The following SPATA31C2 variants were observed in gnomAD, a reference collection of about 807,000 sequenced individuals.
The protein encoded by SPATA31C2 is SPATA31 subfamily C member 2.
Under a neutral mutation model 11.4 loss-of-function variants are expected in SPATA31C2, and 5 were observed. The ratio of observed to expected loss-of-function variants is 0.44; its 90% CI spans 0.23 to 0.92. SPATA31C2 has a LOEUF of 0.92. Among genes scored for constraint, SPATA31C2 ranks in the 40% least tolerant of loss-of-function variants. The pLI, the probability that SPATA31C2 is intolerant of heterozygous loss-of-function variation, is 0.24. For synonymous variants in SPATA31C2, 515 were observed against 538.7 expected, an observed-to-expected ratio of 0.96 and a Z score of 0.61; for missense variants, 1,353 against 1,368.6, an observed-to-expected ratio of 0.99 and a Z score of 0.18.
In SPATA31C2 at chr9:88,132,586, C is replaced by T. The variant is rs1007787135; in HGVS notation, c.451G>A (p.Ala151Thr). The T allele has an allele frequency of 1.4e-5, 22 of 1,610,222 alleles. No individual in the cohort carries two copies. Among genetic ancestry groups the T allele is most frequent in the African/African-American group, 1.3e-4 (10 of 74,582 alleles). Residue 151 changes from alanine to threonine, a missense_variant, in exon 4 of 4, where the codon GCT becomes ACT. Coordinates refer to ENST00000324915, the MANE Select transcript of SPATA31C2 (RefSeq NM_001350978.3). Reference sequence around the variant, plus strand: ...GCTAACGGGGAGACAATGGGAGCAGCGTCTTCCGTAGGCTCATGAGAGGAC... The same window carrying T: ...GCTAACGGGGAGACAATGGGAGCAGTGTCTTCCGTAGGCTCATGAGAGGAC... The part of the protein sequence containing the change: ...SRSSHEPTED[A>T]APIVSPLASP...
In SPATA31C2 at chr9:88,129,810, G is replaced by A. The variant is rs767969974; in HGVS notation, c.3227C>T (p.Ser1076Leu). The change falls in exon 4 of 4, where the codon TCG becomes TTG. Residue 1076 changes from serine to leucine, a missense_variant. Transcript: ENST00000324915. ...NMSLCHARHA[S>L]KVNQQRQQFQ... ...CTGCTGTCTTTGCTGATTTACCTTCGAGGCATGGCGCGCATGGCAAAGTGA... is the reference window on the plus strand; with the variant it reads ...CTGCTGTCTTTGCTGATTTACCTTCAAGGCATGGCGCGCATGGCAAAGTGA... The A allele has an allele frequency of 1.3e-5, 21 of 1,604,314 alleles. No homozygotes were observed. The highest frequency in any genetic ancestry group is 1.7e-5 in the Non-Finnish European group (20 of 1,173,764).
rs1307943628 is a variant in SPATA31C2, at chr9:88,129,594, C to T, written c.*38G>A. 1.2e-6 allele frequency: 2 copies of T among 1,602,308 alleles called. No homozygotes were observed. Among genetic ancestry groups the T allele is most frequent in the East Asian group, 2.3e-5 (1 of 44,416 alleles). On this transcript the variant is annotated 3_prime_UTR_variant, in exon 4 of 4. Transcript: ENST00000324915. ...GAGCAAGAGTTGGGGATGTCGCAGGCCCCATTGCTCATTGTTGCACCGGAC... is the reference window on the plus strand; with the variant it reads ...GAGCAAGAGTTGGGGATGTCGCAGGTCCCATTGCTCATTGTTGCACCGGAC...
At position 88,130,442 on chromosome 9, in the gene SPATA31C2, C is replaced by T. The variant is rs370368843; in HGVS notation, c.2595G>A (p.Thr865=). The change falls in exon 4 of 4, where the codon ACG becomes ACA. Residue 865 remains threonine, a synonymous_variant. Coordinates refer to ENST00000324915, the MANE Select transcript of SPATA31C2 (RefSeq NM_001350978.3). ...AVSEFEPGKA[T]KSETQPQVSA... is the part of the protein sequence containing the mutation. ...AAACTTGAGGCTGGGTCTCTGACTT[C>T]GTGGCCTTTCCAGGCTCAAATTCAC... 234 of 1,613,180 alleles carry T rather than the reference C, an allele frequency of 1.5e-4. No homozygotes were observed. The African/African-American group carries it at 2.5e-3, about 17-fold the overall frequency.
Position 88,131,889 on chromosome 9 carries a change from T to G in SPATA31C2, c.1148A>C (p.Gln383Pro). 1.2e-6 allele frequency: 2 copies of G among 1,610,500 alleles called. No individual in the cohort carries two copies. Among genetic ancestry groups the G allele is most frequent in the Non-Finnish European group, 1.7e-6 (2 of 1,178,772 alleles). ...TAGGGAGAGAGCTTGCACTTTATTCTGCGACGCAGGGCAAGCTACTCCAGT... is the reference window on the plus strand; with the variant it reads ...TAGGGAGAGAGCTTGCACTTTATTCGGCGACGCAGGGCAAGCTACTCCAGT... ...KNTGVACPAS[Q>P]NKVQALSLPE... The change falls in exon 4 of 4, where the codon CAG becomes CCG. Residue 383 changes from glutamine to proline, a missense_variant. Transcript: ENST00000324915.
chr9:88,130,647 G>A lies in SPATA31C2; in HGVS notation c.2390C>T (p.Thr797Ile). The A allele has an allele frequency of 6.2e-7, 1 of 1,613,816 alleles. No homozygotes were observed. ...TGTGGGTTGTGGCACTGCCTCCCTG[G>A]TCTCTCCAGCCCTTGAAGATTGGGC... ...LGAQSSRAGETREAVPQPTVP... is the reference protein window; with the variant it reads ...LGAQSSRAGEIREAVPQPTVP... Residue 797 changes from threonine to isoleucine, a missense_variant, in exon 4 of 4, where the codon ACC becomes ATC. Coordinates refer to ENST00000324915, the MANE Select transcript of SPATA31C2 (RefSeq NM_001350978.3).
rs1825621867 is a variant in SPATA31C2 at position 88,132,664 on chromosome 9, C to G, written c.373G>C (p.Gly125Arg). ...LEKGDFGQLS[G>R]PDPPGEVGKR... Reference sequence around the variant, plus strand: ...CCCACCTCACCTGGCGGGTCTGGACCAGAGAGCTGACCAAAGTCACCTTTT... The same window carrying G: ...CCCACCTCACCTGGCGGGTCTGGACGAGAGAGCTGACCAAAGTCACCTTTT... The change falls in exon 4 of 4, where the codon GGT becomes CGT. Residue 125 changes from glycine (G) to arginine (R), a missense_variant. Physicochemically the swap from Gly to Arg is moderately radical, Grantham distance 125 (BLOSUM62 -2). This residue lies in a region of SPATA31C2 where 1,075 missense variants were observed against 992.8 expected (regional missense o/e 1.08). Coordinates refer to ENST00000324915, the MANE Select transcript of SPATA31C2 (RefSeq NM_001350978.3). The G allele has an allele frequency of 6.2e-7, 1 of 1,608,028 alleles. No homozygotes were observed. The highest frequency in any genetic ancestry group is 1.7e-5 in the Admixed American group (1 of 59,556).
rs564879465 is a variant in SPATA31C2 at position 88,132,159 on chromosome 9, G to C, written c.878C>G (p.Thr293Ser). 1 of 1,610,522 alleles carries C rather than the reference G, an allele frequency of 6.2e-7. No homozygotes were observed. The highest frequency in any genetic ancestry group is 8.5e-7 in the Non-Finnish European group (1 of 1,177,608). The change falls in exon 4 of 4, where the codon ACC (threonine) becomes AGC (serine). Residue 293 changes from threonine (T) to serine (S), a missense_variant. This residue lies in a region of SPATA31C2 where 1,075 missense variants were observed against 992.8 expected (regional missense o/e 1.08). Transcript: ENST00000324915. ...VSALSWSQET[T>S]KTWCVFNSSV... is the part of the protein sequence containing the mutation. ...CGAGTTGAAGACGCACCAGGTTTTG[G>C]TAGTCTCCTGCGACCAGGAGAGGGC...
At position 88,131,887 on chromosome 9, in the gene SPATA31C2, T is replaced by G; in HGVS notation, c.1150A>C (p.Asn384His). 3 of 1,610,556 alleles carry G rather than the reference T, an allele frequency of 1.9e-6. No homozygotes were observed. The highest frequency in any genetic ancestry group is 2.5e-6 in the Non-Finnish European group (3 of 1,178,820). ...GGTAGGGAGAGAGCTTGCACTTTAT[T>G]CTGCGACGCAGGGCAAGCTACTCCA... ...NTGVACPASQNKVQALSLPET... is the reference protein window; with the variant it reads ...NTGVACPASQHKVQALSLPET... The change falls in exon 4 of 4, where the codon AAT becomes CAT. Residue 384 changes from asparagine (N) to histidine (H), a missense_variant. Coordinates refer to ENST00000324915, the MANE Select transcript of SPATA31C2 (RefSeq NM_001350978.3).
intron 1 of SPATA31C2, among the ~76,000 whole-genome samples, chr9:88,136,523 T>G (rs866334491): frequency 3.4e-5 from 5 of 146,812 alleles, no homozygotes; most frequent in Non-Finnish European, 7.5e-5. Flanking sequence ...CAGGCTCTTA[T>G]GCAGGGCAAA....
Position 88,131,831 on chromosome 9 carries a change from C to T in SPATA31C2, c.1206G>A (p.Leu402=), listed in dbSNP as rs762146670. The change falls in exon 4 of 4, where the codon TTG becomes TTA. Residue 402 remains leucine, a synonymous_variant. Coordinates refer to ENST00000324915, the MANE Select transcript of SPATA31C2 (RefSeq NM_001350978.3). ...PETQHPERPL[L]KKQLEGGLAL... ...CCAACCCACCTTCTAGTTGTTTCTT[C>T]AACAAAGGCCTTTCAGGGTGCTGAG... The T allele has an allele frequency of 6.2e-7, 1 of 1,611,452 alleles. No individual in the cohort carries two copies. Among genetic ancestry groups the T allele is most frequent in the African/African-American group, 1.3e-5 (1 of 74,950 alleles).
In SPATA31C2 at chr9:88,132,131, T is replaced by C. The variant is rs749835278; in HGVS notation, c.906A>G (p.Ser302=). 1.2e-5 allele frequency: 19 copies of C among 1,610,628 alleles called. No individual in the cohort carries two copies. The highest frequency in any genetic ancestry group is 3.3e-5 in the Admixed American group (2 of 59,822). ...GGCGGGAAAGATGATCTTGCTGGAC[T>C]GACGAGTTGAAGACGCACCAGGTTT... The part of the protein sequence containing the change: ...TTKTWCVFNS[S]VQQDHLSRQR... Residue 302 remains serine (S), a synonymous_variant, in exon 4 of 4, where the codon TCA becomes TCG. Transcript: ENST00000324915.
Position 88,133,586 on chromosome 9 carries a change from A to G in SPATA31C2, c.265+8T>C, listed in dbSNP as rs1024072160. The G allele has an allele frequency of 6.3e-7, 1 of 1,580,944 alleles. No individual in the cohort carries two copies. The highest frequency in any genetic ancestry group is 8.6e-7 in the Non-Finnish European group (1 of 1,162,346). On this transcript the variant is annotated splice_region_variant and intron_variant, in intron 2 of 3. Transcript: ENST00000324915. ...AATTAACTCTAGTGTGCCCTGGCAG[A>G]GCCTTACCTCTCAGACTGTGGTTTT...
At chr9:88,133,881 G>A (rs1825643007) in intron 1 of SPATA31C2, among the ~76,000 whole-genome samples, 1 of 152,144 alleles carries the variant, frequency 6.6e-6, no homozygotes, top group African/African-American at 2.4e-5. Flanking sequence ...GTGGCTCACG[G>A]TGCGGTGGCT....
rs563800745 is a variant in SPATA31C2 at position 88,136,498 on chromosome 9, C to T, written c.189+1760G>A. On this transcript the variant is annotated intron_variant, in intron 1 of 3. Coordinates refer to ENST00000324915, the MANE Select transcript of SPATA31C2 (RefSeq NM_001350978.3). ...GTTTGCACTTTTCTTCCAGTTTTTACCCTGTCTTTATTAACAGGCTCTTAT... is the reference window on the plus strand; with the variant it reads ...GTTTGCACTTTTCTTCCAGTTTTTATCCTGTCTTTATTAACAGGCTCTTAT... 2.1e-5 allele frequency among the ~76,000 whole-genome samples: 3 copies of T among 146,220 alleles called. No individual in the cohort carries two copies. In the South Asian group the frequency reaches 6.7e-4, roughly 33 times the overall value.
At position 88,133,580 on chromosome 9, in the gene SPATA31C2, T is replaced by G. The variant is rs1253831009; in HGVS notation, c.265+14A>C. ...AGATCAAATTAACTCTAGTGTGCCC[T>G]GGCAGAGCCTTACCTCTCAGACTGT... On this transcript the variant is annotated intron_variant, in intron 2 of 3. Transcript: ENST00000324915. 1.3e-6 allele frequency: 2 copies of G among 1,579,046 alleles called. No homozygotes were observed. Among genetic ancestry groups the G allele is most frequent in the Non-Finnish European group, 8.6e-7 (1 of 1,161,336 alleles).
chr9:88,131,596 G>T lies in SPATA31C2; in HGVS notation c.1441C>A (p.Gln481Lys), dbSNP rs1390384614. 3 of 1,611,854 alleles carry T rather than the reference G, an allele frequency of 1.9e-6. No homozygotes were observed. The highest frequency in any genetic ancestry group is 2.5e-6 in the Non-Finnish European group (3 of 1,179,798). The change falls in exon 4 of 4, where the codon CAG (glutamine) becomes AAG (lysine). Residue 481 changes from glutamine to lysine, a missense_variant. Coordinates refer to ENST00000324915, the MANE Select transcript of SPATA31C2 (RefSeq NM_001350978.3). ...QLQDELPGTSQAKGKPRPWQS... is the reference protein window; with the variant it reads ...QLQDELPGTSKAKGKPRPWQS... ...CAGGGCCTGGGTTTGCCCTTGGCCT[G>T]ACTTGTCCCTGGCAATTCATCCTGA...
chr9:88,131,466 G>A lies in SPATA31C2; in HGVS notation c.1571C>T (p.Thr524Ile), dbSNP rs761861540. 2.3e-5 allele frequency: 37 copies of A among 1,611,742 alleles called. No individual in the cohort carries two copies. The highest frequency in any genetic ancestry group is 2.9e-5 in the Non-Finnish European group (34 of 1,179,824). ...CATGCCCCTGGATAGATTTTGTGGG[G>A]TCTCACCCAGAATTTGCCCCAGATG... ...CPHLGQILGE[T>I]PQNLSRGMES... The change falls in exon 4 of 4, where the codon ACC becomes ATC. Residue 524 changes from threonine to isoleucine, a missense_variant. By Grantham distance (89) the Thr-to-Ile change is moderately conservative. Around this residue, in one of 6 missense-constraint regions of SPATA31C2, gnomAD observed 1,075 missense variants for 992.8 expected, o/e 1.08. Coordinates refer to ENST00000324915, the MANE Select transcript of SPATA31C2 (RefSeq NM_001350978.3).
Position 88,133,620 on chromosome 9 carries a change from C to T in SPATA31C2, c.239G>A (p.Gly80Asp), listed in dbSNP as rs1397334859. 12 of 1,582,016 alleles carry T rather than the reference C, an allele frequency of 7.6e-6. No homozygotes were observed. The highest frequency in any genetic ancestry group is 1.7e-5 in the Admixed American group (1 of 58,564). ...RPAGRRGRPR[G>D]RMKNHSLRAC... ...TCTCAGACTGTGGTTTTTCATCCTGCCTCTGGGCCTCCCCCTCCGCCCTGC... is the reference window on the plus strand; with the variant it reads ...TCTCAGACTGTGGTTTTTCATCCTGTCTCTGGGCCTCCCCCTCCGCCCTGC... Residue 80 changes from glycine to aspartate, a missense_variant, in exon 2 of 4, where the codon GGC (glycine) becomes GAC (aspartate). Gly to Asp is a moderately conservative substitution (Grantham distance 94). Transcript: ENST00000324915.
rs757232036 is a variant in SPATA31C2, at chr9:88,131,711, G to A, written c.1326C>T (p.Asn442=). The part of the protein sequence containing the change: ...QERLTSILPE[N]FPVSPELWRQ... ...TCCAGAGTTCAGGACTGACTGGAAA[G>A]TTCTCAGGCAGAATGGATGTCAGTC... The change falls in exon 4 of 4, where the codon AAC becomes AAT. Residue 442 remains asparagine, a synonymous_variant. Transcript: ENST00000324915. 8.1e-6 allele frequency: 13 copies of A among 1,611,872 alleles called. No homozygotes were observed. Among genetic ancestry groups the A allele is most frequent in the African/African-American group, 1.3e-5 (1 of 74,854 alleles).
Sources: allele counts gnomAD v4.1 joint callset (sites outside exome capture counted in the v4.1 genomes callset), GRCh38; gene constraint gnomAD v4.1.1; regional missense constraint gnomAD v4.1.1; transcripts MANE v1.5; gene names NCBI Gene and HGNC (gene_info 2026-07-23, HGNC 2026-07-21).